The following PLEKHA8 variants were observed in gnomAD, a reference collection of about 807,000 sequenced individuals.
PLEKHA8 encodes the protein pleckstrin homology domain containing A8, also known as pleckstrin homology domain-containing family A member 8.
A neutral mutation model predicts 68.2 loss-of-function variants in PLEKHA8; 36 were observed. The observed-to-expected ratio is 0.53, with a 90% CI of 0.40 to 0.70. The LOEUF (loss-of-function observed/expected upper bound fraction) is 0.70, where lower values mean the gene tolerates loss of function less well. Among genes scored for constraint, PLEKHA8 ranks in the 30% least tolerant of loss-of-function variants. The pLI, the probability that PLEKHA8 is intolerant of heterozygous loss-of-function variation, is 0.00. For missense variants in PLEKHA8, 505 were observed against 615.4 expected, an observed-to-expected ratio of 0.82 and a Z score of 1.90; for synonymous variants, 211 against 216.1, an observed-to-expected ratio of 0.98 and a Z score of 0.20.
At chr7:30,102,525 G>A (rs920516185) in intron 13 of PLEKHA8, among the ~76,000 whole-genome samples, 15 of 152,202 alleles carry the variant, frequency 9.9e-5, no homozygotes, top group Non-Finnish European at 5.9e-5. Context: ...ACAACCCAAG[G>A]GCCTATCAGC....
At chr7:30,115,977 C>G (rs1248639498) in intron 13 of PLEKHA8, 1 of 136,598 alleles carries the variant, frequency 7.3e-6, no homozygotes, top group South Asian at 2.2e-4. Flanking sequence ...CATGTGCATG[C>G]ATGCATGTAT....
At chr7:30,126,201 G>C (rs925957699) in intron 13 of PLEKHA8, among the ~76,000 whole-genome samples, 1 of 125,676 alleles carries the variant, frequency 8.0e-6, no homozygotes, top group African/African-American at 3.0e-5. Context: ...ATAAGCTACA[G>C]GCCAGATTTT....
At position 30,078,982 on chromosome 7, in the gene PLEKHA8, A is replaced by C; in HGVS notation, c.*195A>C. On this transcript the variant is annotated 3_prime_UTR_variant, in exon 14 of 14. Transcript: ENST00000449726. ...TTGTTTAAAGATCAAGGTGCTATAT[A>C]TTTCAGTTCAGCAGGCCTACTGGAA... 7.3e-7 allele frequency: 1 copy of C among 1,362,608 alleles called. No individual in the cohort carries two copies. The allele number at this position is 1,362,608 out of a possible 1,614,324, so 84.4% of individuals were successfully genotyped here.
chr7:30,047,565 CCTT>C (rs1196988952), intron 3 of PLEKHA8, among the ~76,000 whole-genome samples: 6 of 152,284 alleles, frequency 3.9e-5, no homozygotes, highest in South Asian at 2.1e-4. Flanking sequence ...TATATTGTCT[CCTT>C]CTTTGTATAC....
chr7:30,053,718 A>G (rs1279251485), intron 7 of PLEKHA8, among the ~76,000 whole-genome samples: 1 of 152,192 alleles, frequency 6.6e-6, no homozygotes. Flanking sequence ...AGAAAGACCT[A>G]TTGATAGGGA....
chr7:30,088,577 G>A (rs543021888), downstream of PLEKHA8, among the ~76,000 whole-genome samples: 1 of 152,198 alleles, frequency 6.6e-6, no homozygotes, highest in South Asian at 2.1e-4. Context: ...AATATGGCCA[G>A]ATCACAGCCC....
intron 9 of PLEKHA8, 111 bp downstream of exon 9, chr7:30,055,453 C>T: frequency 1.1e-6 from 1 of 933,042 alleles, no homozygotes; most frequent in Non-Finnish European, 1.7e-6. Context: ...TGACCCTTGG[C>T]TATTTGTTCA....
downstream of PLEKHA8, among the ~76,000 whole-genome samples, chr7:30,086,715 A>C (rs746613551): frequency 2.0e-5 from 3 of 152,240 alleles, no homozygotes; most frequent in Non-Finnish European, 4.4e-5. Context: ...TCTGTGCTGC[A>C]GTAGAGAAAC....
intron 2 of PLEKHA8, among the ~76,000 whole-genome samples, 153 bp from the exon 3 acceptor site, chr7:30,046,057 C>T (rs1190609790): frequency 1.3e-5 from 2 of 152,150 alleles, no homozygotes; most frequent in African/African-American, 2.4e-5. Flanking sequence ...GTAAACAGAA[C>T]TTTGTGTGAA....
In PLEKHA8 at chr7:30,028,641, G is replaced by T; in HGVS notation, c.-122G>T. On this transcript the variant is annotated 5_prime_UTR_variant, in exon 1 of 14. Coordinates refer to ENST00000449726, the MANE Select transcript of PLEKHA8 (RefSeq NM_001197026.2). ...GGCCGGGCGTCCCCACACCGGGCCC[G>T]GGCGCCGGGAGTGGGCGTCTGGGCA... 1 of 734,248 alleles carries T rather than the reference G, an allele frequency of 1.4e-6. No homozygotes were observed. 45.5% of individuals were successfully genotyped at this position (734,248 alleles called of 1,614,324 possible).
At chr7:30,044,102 G>T (rs1366391661) in intron 1 of PLEKHA8, among the ~76,000 whole-genome samples, 1 of 151,566 alleles carries the variant, frequency 6.6e-6, no homozygotes, top group African/African-American at 2.4e-5. Context: ...CGCCTTCCGG[G>T]TTCAAGCGAT....
downstream of PLEKHA8, among the ~76,000 whole-genome samples, chr7:30,092,844 G>T (rs945015916): frequency 6.6e-6 from 1 of 152,156 alleles, no homozygotes; most frequent in African/African-American, 2.4e-5. Flanking sequence ...AAGTGAGATC[G>T]AGAGAAAGTG....
chr7:30,089,081 G>A (rs1018602613), downstream of PLEKHA8, among the ~76,000 whole-genome samples: 1 of 152,062 alleles, frequency 6.6e-6, no homozygotes, highest in Non-Finnish European at 1.5e-5. Context: ...ATTCACTGTG[G>A]TGCAGGACTT....
chr7:30,127,190 C>T (rs889655005), intron 13 of PLEKHA8, among the ~76,000 whole-genome samples: 1 of 152,192 alleles, frequency 6.6e-6, no homozygotes, highest in Non-Finnish European at 1.5e-5. Context: ...TAACCAGCCA[C>T]TTTTCAGAAG....
At chr7:30,032,603 G>T (rs1188643816) in intron 1 of PLEKHA8, among the ~76,000 whole-genome samples, 1 of 152,148 alleles carries the variant, frequency 6.6e-6, no homozygotes, top group Non-Finnish European at 1.5e-5. Flanking sequence ...ACTTTTAAAG[G>T]TCCTTCTTGC....
chr7:30,116,709 C>G (rs952192491), intron 13 of PLEKHA8, among the ~76,000 whole-genome samples: 3 of 152,178 alleles, frequency 2.0e-5, no homozygotes, highest in African/African-American at 2.4e-5. Context: ...CTTTATATTT[C>G]CGGTCTCCAA....
chr7:30,059,408 GAA>G (rs1793253977), intron 9 of PLEKHA8, among the ~76,000 whole-genome samples: 1 of 152,070 alleles, frequency 6.6e-6, no homozygotes, highest in Non-Finnish European at 1.5e-5. Context: ...TGTATTTGCT[GAA>G]GTCATTTTTT....
intron 13 of PLEKHA8, among the ~76,000 whole-genome samples, chr7:30,105,653 C>G (rs1424097937): frequency 6.6e-6 from 1 of 152,186 alleles, no homozygotes; most frequent in Non-Finnish European, 1.5e-5. Context: ...GACTAGGTAA[C>G]TCACAAATGA....
intron 13 of PLEKHA8, among the ~76,000 whole-genome samples, chr7:30,100,245 T>C (rs1158575060): frequency 6.6e-6 from 1 of 152,110 alleles, no homozygotes; most frequent in African/African-American, 2.4e-5. Context: ...GTACCAGAGA[T>C]TAGGATTTAA....
Sources: gnomAD v4.1 joint callset for allele counts (sites outside exome capture counted in the v4.1 genomes callset) on GRCh38, gnomAD v4.1.1 for gene constraint, MANE v1.5 for transcripts, NCBI Gene and HGNC (gene_info 2026-07-23, HGNC 2026-07-21) for gene names.